The following PIEZO2 variants were observed in gnomAD, a reference collection of about 807,000 sequenced individuals.
PIEZO2 encodes the protein piezo-type mechanosensitive ion channel component 2.
PIEZO2 carries 172 observed loss-of-function variants against 337.3 expected under a neutral mutation model. The ratio of observed to expected loss-of-function variants is 0.51; its 90% CI spans 0.45 to 0.58. The LOEUF is 0.58. PIEZO2 is among the 20% of genes least tolerant of loss of function. The pLI is 0.00. For missense variants in PIEZO2, 3,028 were observed against 3,391.3 expected (o/e 0.89, Z 2.66); for synonymous variants, 1,251 against 1,228.5 (o/e 1.02, Z -0.38).
At chr18:11,050,286 CAT>C in intron 2 of PIEZO2, among the ~76,000 whole-genome samples, 1 of 151,708 alleles carries the variant, frequency 6.6e-6, no homozygotes, top group East Asian at 1.9e-4. Context: ...CATAATAAAA[CAT>C]AATAATAATA....
Position 10,752,707 on chromosome 18 carries a change from T to G in PIEZO2, c.4096A>C (p.Ser1366Arg). Residue 1366 changes from serine to arginine, a missense_variant, in exon 28 of 56, where the codon AGC (serine) becomes CGC (arginine). Transcript: ENST00000674853. The part of the protein sequence containing the change: ...GGDLLLKPIK[S>R]ILRYWDWLIA... ...AGCCAGTCCCAGTAGCGCAGGATGC[T>G]CTTGATGGGTTTCAACAGCAAATCG... 6.5e-7 allele frequency: 1 copy of G among 1,537,236 alleles called. No homozygotes were observed. Among genetic ancestry groups the G allele is most frequent in the East Asian group, 2.4e-5 (1 of 40,914 alleles).
chr18:10,768,902 A>G (rs1375068353), intron 21 of PIEZO2, among the ~76,000 whole-genome samples: 2 of 152,156 alleles, frequency 1.3e-5, no homozygotes, highest in Admixed American at 1.3e-4. Flanking sequence ...ATGACAGCAG[A>G]TTCTCTGCGT....
intron 2 of PIEZO2, among the ~76,000 whole-genome samples, chr18:11,005,066 C>T (rs2035672059): frequency 6.6e-6 from 1 of 152,234 alleles, no homozygotes; most frequent in African/African-American, 2.4e-5. Context: ...GAACATTCCA[C>T]TTCAAGCCAA....
chr18:10,951,242 T>A (rs1261702816), intron 3 of PIEZO2, among the ~76,000 whole-genome samples: 1 of 152,192 alleles, frequency 6.6e-6, no homozygotes, highest in Non-Finnish European at 1.5e-5. Context: ...CACAAGACAA[T>A]ACATAACATT....
chr18:10,724,646 A>C lies in PIEZO2; in HGVS notation c.5030-6387T>G. 1.3e-6 allele frequency: 1 copy of C among 748,204 alleles called. No homozygotes were observed. The allele number at this position is 748,204 out of a possible 1,614,324, so 46.3% of individuals were successfully genotyped here. A position where few individuals can be genotyped will look rare whatever the true frequency, so the allele number is the denominator to read the frequency against. Reference sequence around the variant, plus strand: ...GTGCTGGACTCGGGGTCTCAGGCGTATGATCAGGCACCCACCAGCCCACCT... The same window carrying C: ...GTGCTGGACTCGGGGTCTCAGGCGTCTGATCAGGCACCCACCAGCCCACCT... On this transcript the variant is annotated intron_variant, in intron 36 of 55. Coordinates refer to ENST00000674853, the MANE Select transcript of PIEZO2 (RefSeq NM_001378183.1). This position sits in a 1 kb window ranked among gnomAD's most constrained non-coding sequence, Gnocchi z 5.8.
At chr18:10,961,275 G>A (rs146998338) in intron 3 of PIEZO2, among the ~76,000 whole-genome samples, 10 of 117,826 alleles carry the variant, frequency 8.5e-5, no homozygotes, top group African/African-American at 3.4e-4. Context: ...TGACCTGCAT[G>A]AATGAGATTG....
chr18:10,731,213 A>G (rs1220228268), intron 36 of PIEZO2, among the ~76,000 whole-genome samples, 194 bp downstream of exon 36: 4 of 127,222 alleles, frequency 3.1e-5, no homozygotes, highest in African/African-American at 1.2e-4. Context: ...ATATATATAT[A>G]TATATCTCCT....
chr18:11,093,397 T>C (rs1420708287), intron 1 of PIEZO2, among the ~76,000 whole-genome samples: 4 of 152,184 alleles, frequency 2.6e-5, no homozygotes, highest in African/African-American at 9.6e-5. Flanking sequence ...TTTCCATCTT[T>C]TTCAGACTCC....
chr18:10,938,748 A>C (rs1339632053), intron 3 of PIEZO2, among the ~76,000 whole-genome samples: 2 of 152,248 alleles, frequency 1.3e-5, no homozygotes, highest in Non-Finnish European at 2.9e-5. Flanking sequence ...CATTTCTTTA[A>C]CATGAAAGAG....
At chr18:10,860,996 T>C (rs2041856951) in intron 5 of PIEZO2, among the ~76,000 whole-genome samples, 1 of 152,230 alleles carries the variant, frequency 6.6e-6, no homozygotes, top group South Asian at 2.1e-4. Flanking sequence ...GGTTAGACTC[T>C]GTGAGCCCCT....
At chr18:10,857,427 A>G (rs959527487) in intron 5 of PIEZO2, among the ~76,000 whole-genome samples, 1 of 152,060 alleles carries the variant, frequency 6.6e-6, no homozygotes. Flanking sequence ...CATAACAATT[A>G]TAGGGTCCCT....
intron 2 of PIEZO2, among the ~76,000 whole-genome samples, chr18:11,039,890 G>A (rs936818637): frequency 5.9e-5 from 9 of 151,824 alleles, no homozygotes; most frequent in African/African-American, 1.9e-4. Context: ...GCATTCTTAC[G>A]AAAAGGAAAT....
Position 10,953,730 on chromosome 18 carries a change from G to A in PIEZO2, c.286+25805C>T, listed in dbSNP as rs1445166333. Among the ~76,000 whole-genome samples, 1 of 152,138 alleles carries A rather than the reference G, an allele frequency of 6.6e-6. No individual in the cohort carries two copies. Among genetic ancestry groups the A allele is most frequent in the Non-Finnish European group, 1.5e-5 (1 of 68,030 alleles). ...GCAACACTGGGCAGATAGATGGGCA[G>A]CATTTTATTACCCACATCTACTCAT... is the stretch of plus-strand genomic sequence containing the variant. On this transcript the variant is annotated intron_variant, in intron 3 of 55. Transcript: ENST00000674853. The surrounding 1 kb of genome is among the most constrained non-coding windows in gnomAD (Gnocchi z 5.2).
At chr18:10,762,858 C>T in intron 22 of PIEZO2, 64 bp downstream of exon 22, 1 of 1,489,258 alleles carries the variant, frequency 6.7e-7, no homozygotes, top group Admixed American at 2.1e-5. Flanking sequence ...ATGGGGGTTC[C>T]CCAAGTATCT....
intron 5 of PIEZO2, among the ~76,000 whole-genome samples, chr18:10,858,694 G>A (rs1326809406): frequency 3.9e-5 from 6 of 152,162 alleles, no homozygotes; most frequent in Admixed American, 1.3e-4. Flanking sequence ...CTAGTTAAGC[G>A]TAAAGCGGCC....
intron 39 of PIEZO2, among the ~76,000 whole-genome samples, chr18:10,710,561 A>T (rs1364909444): frequency 4.6e-5 from 7 of 152,284 alleles, no homozygotes; most frequent in Non-Finnish European, 8.8e-5. Flanking sequence ...GATTTGAAAG[A>T]AACCGTGACT....
chr18:10,882,925 A>T (rs542381970), intron 4 of PIEZO2, among the ~76,000 whole-genome samples: 4 of 134,258 alleles, frequency 3.0e-5, no homozygotes, highest in Non-Finnish European at 6.1e-5. Flanking sequence ...TGCAACCACC[A>T]CCTCCTGGGT....
intron 7 of PIEZO2, among the ~76,000 whole-genome samples, chr18:10,843,322 C>T (rs2041251049): frequency 6.6e-6 from 1 of 151,212 alleles, no homozygotes; most frequent in Non-Finnish European, 1.5e-5. Context: ...TATACGCTCA[C>T]ACTTTCCAAT....
At position 10,701,834 on chromosome 18, in the gene PIEZO2, C is replaced by CT. The variant is rs778832042; in HGVS notation, c.6441+154dup. On this transcript the variant is annotated intron_variant, in intron 43 of 55. Coordinates refer to ENST00000674853, the MANE Select transcript of PIEZO2 (RefSeq NM_001378183.1). ...AACTTAACCTTTTTCTTTTCTCTCT[C>CT]TTTTTTTTTTTAAAAAAAACATATG... The CT allele has an allele frequency of 0.07, 30,900 of 444,280 alleles. 698 individuals carry two copies. Among genetic ancestry groups the CT allele is most frequent in the East Asian group, 0.28 (6,658 of 24,136 alleles). 27.5% of individuals were successfully genotyped at this position (444,280 alleles called of 1,614,324 possible). A position where few individuals can be genotyped will look rare whatever the true frequency, so the allele number is the denominator to read the frequency against.
Sources: gnomAD v4.1 joint callset for allele counts (sites outside exome capture counted in the v4.1 genomes callset) on GRCh38, gnomAD v4.1.1 for gene constraint, Gnocchi (gnomAD v3.1) non-coding constraint, MANE v1.5 for transcripts, NCBI Gene and HGNC (gene_info 2026-07-23, HGNC 2026-07-21) for gene names.